The following UBTD1 variants were observed in gnomAD, a reference collection of about 807,000 sequenced individuals.
UBTD1 encodes the protein ubiquitin domain containing 1.
A neutral mutation model predicts 21.7 loss-of-function variants in UBTD1; 19 were observed. The ratio of observed to expected loss-of-function variants is 0.87; its 90% CI spans 0.61 to 1.28. The LOEUF is 1.28. Among genes scored for constraint, UBTD1 ranks in the 50% most tolerant of loss-of-function variants. The pLI, the probability that UBTD1 is intolerant of heterozygous loss-of-function variation, is 0.00. For missense variants in UBTD1, 282 were observed against 315.1 expected, an observed-to-expected ratio of 0.89 and a Z score of 0.80; for synonymous variants, 116 against 135.1, an observed-to-expected ratio of 0.86 and a Z score of 0.98.
chr10:97,563,898 T>A (rs2040705170), intron 1 of UBTD1, among the ~76,000 whole-genome samples: 1 of 152,126 alleles, frequency 6.6e-6, no homozygotes, highest in Non-Finnish European at 1.5e-5. Flanking sequence ...ATTACTGTTA[T>A]CCTTTAGGAA....
chr10:97,517,122 GGGAGGGTCA>G (rs1232239187), intron 1 of UBTD1, among the ~76,000 whole-genome samples: 1 of 152,144 alleles, frequency 6.6e-6, no homozygotes, highest in Admixed American at 6.5e-5. Context: ...CAGGCAGCAA[GGGAGGGTCA>G]GGAGTGGAAG....
At chr10:97,499,414 G>T (rs12763893) in intron 1 of UBTD1, 141 bp downstream of exon 1, 2 of 1,161,766 alleles carry the variant, frequency 1.7e-6, no homozygotes, top group Non-Finnish European at 2.3e-6. Context: ...GCCAGAGGGG[G>T]CCGCTCCCCA....
intron 1 of UBTD1, among the ~76,000 whole-genome samples, chr10:97,555,614 A>G (rs1013071099): frequency 6.6e-6 from 1 of 152,160 alleles, no homozygotes; most frequent in African/African-American, 2.4e-5. Context: ...TCACAACACT[A>G]AAGATTTCAC....
At chr10:97,548,744 T>G (rs1404729766) in intron 1 of UBTD1, among the ~76,000 whole-genome samples, 1 of 152,210 alleles carries the variant, frequency 6.6e-6, no homozygotes, top group Non-Finnish European at 1.5e-5. Flanking sequence ...GTCACTGTAC[T>G]CTGGTCTGGG....
chr10:97,555,209 A>T (rs1050319148), intron 1 of UBTD1, among the ~76,000 whole-genome samples: 1 of 152,206 alleles, frequency 6.6e-6, no homozygotes, highest in African/African-American at 2.4e-5. Context: ...CAAAGCTCTC[A>T]TTAGGGGGTC....
At chr10:97,511,142 A>G (rs146994951) in intron 1 of UBTD1, among the ~76,000 whole-genome samples, 1 of 152,304 alleles carries the variant, frequency 6.6e-6, no homozygotes, top group Non-Finnish European at 1.5e-5. Flanking sequence ...CTTGATGAGC[A>G]TCCCCGCATA....
chr10:97,562,805 T>A (rs1204838497), intron 1 of UBTD1, among the ~76,000 whole-genome samples: 1 of 152,164 alleles, frequency 6.6e-6, no homozygotes, highest in African/African-American at 2.4e-5. Flanking sequence ...TATATGTAGG[T>A]CACAGGACAT....
At chr10:97,506,585 G>A (rs2040400660) in intron 1 of UBTD1, among the ~76,000 whole-genome samples, 1 of 150,912 alleles carries the variant, frequency 6.6e-6, no homozygotes, top group Admixed American at 6.6e-5. Flanking sequence ...ATTTATTGTT[G>A]TACAACCATC....
chr10:97,499,163 C>A lies in UBTD1; in HGVS notation c.-41C>A. 3 of 1,506,794 alleles carry A rather than the reference C, an allele frequency of 2.0e-6. No individual in the cohort carries two copies. The highest frequency in any genetic ancestry group is 1.8e-6 in the Non-Finnish European group (2 of 1,123,936). The allele number at this position is 1,506,794 out of a possible 1,614,324, so 93.3% of individuals were successfully genotyped here. A position where few individuals can be genotyped will look rare whatever the true frequency, so the allele number is the denominator to read the frequency against. On this transcript the variant is annotated 5_prime_UTR_variant, in exon 1 of 3. Coordinates refer to ENST00000370664, the MANE Select transcript of UBTD1 (RefSeq NM_024954.5). ...CGCCGTCCGCTGAGCAGCCGACCAC[C>A]CCGCCGCCTCCGGTGCATGGGGACT...
intron 1 of UBTD1, among the ~76,000 whole-genome samples, chr10:97,518,974 G>T (rs2040455873): frequency 6.6e-6 from 1 of 152,214 alleles, no homozygotes; most frequent in African/African-American, 2.4e-5. Flanking sequence ...GCCCAGAGAG[G>T]TTGTGTAATT....
At chr10:97,526,533 C>T (rs115346145) in intron 1 of UBTD1, among the ~76,000 whole-genome samples, 2,858 of 152,252 alleles carry the variant, frequency 0.019, 101 homozygotes, top group African/African-American at 0.066. Context: ...AATGCAGCAG[C>T]CTCTTAACTG....
intron 1 of UBTD1, among the ~76,000 whole-genome samples, chr10:97,527,278 G>A (rs2040494028): frequency 7.0e-6 from 1 of 142,446 alleles, no homozygotes; most frequent in Admixed American, 7.0e-5. Flanking sequence ...CTTGAGTCCA[G>A]GAGTTTGAGA....
chr10:97,503,690 G>A (rs2040386968), intron 1 of UBTD1, among the ~76,000 whole-genome samples: 1 of 152,158 alleles, frequency 6.6e-6, no homozygotes, highest in Admixed American at 6.5e-5. Flanking sequence ...TTCTCCATTT[G>A]CTCAGTAAGT....
At chr10:97,514,031 A>G (rs1318458240) in intron 1 of UBTD1, among the ~76,000 whole-genome samples, 4 of 150,600 alleles carry the variant, frequency 2.7e-5, no homozygotes, top group Non-Finnish European at 5.9e-5. Context: ...TTTTTTTTAA[A>G]GGCATTGAGA....
chr10:97,536,366 C>CT (rs767720574), intron 1 of UBTD1, among the ~76,000 whole-genome samples: 4 of 152,150 alleles, frequency 2.6e-5, no homozygotes, highest in Non-Finnish European at 5.9e-5. Flanking sequence ...GGGAGTTGTC[C>CT]TTTAGTCCCC....
intron 1 of UBTD1, among the ~76,000 whole-genome samples, chr10:97,506,674 C>A (rs1352589910): frequency 6.6e-6 from 1 of 152,154 alleles, no homozygotes; most frequent in Non-Finnish European, 1.5e-5. Context: ...ATTTCTTCAT[C>A]CCCCCAACCA....
intron 1 of UBTD1, among the ~76,000 whole-genome samples, chr10:97,527,344 T>C (rs1352719720): frequency 6.6e-6 from 1 of 151,836 alleles, no homozygotes; most frequent in Non-Finnish European, 1.5e-5. Context: ...AGAGTGCCTA[T>C]CCTTCCTTGG....
intron 1 of UBTD1, among the ~76,000 whole-genome samples, chr10:97,562,232 G>A (rs968659381): frequency 3.3e-5 from 5 of 152,176 alleles, no homozygotes; most frequent in Admixed American, 6.5e-5. Flanking sequence ...GTGAAACCCC[G>A]TTTCTACTAC....
intron 1 of UBTD1, among the ~76,000 whole-genome samples, chr10:97,526,643 G>A (rs1337081137): frequency 1.3e-5 from 2 of 152,132 alleles, no homozygotes; most frequent in African/African-American, 4.8e-5. Flanking sequence ...TTGGGGTCAG[G>A]AATTCAAGAC....
Sources: gnomAD v4.1 joint callset for allele counts (sites outside exome capture counted in the v4.1 genomes callset) on GRCh38, gnomAD v4.1.1 for gene constraint, MANE v1.5 for transcripts, NCBI Gene and HGNC (gene_info 2026-07-23, HGNC 2026-07-21) for gene names.